The following TEX14 variants were observed in gnomAD, a reference collection of about 807,000 sequenced individuals.
The protein encoded by TEX14 is inactive serine/threonine-protein kinase TEX14.
Under a neutral mutation model 178.6 loss-of-function variants are expected in TEX14, and 168 were observed. The ratio of observed to expected loss-of-function variants is 0.94; its 90% CI spans 0.83 to 1.07. The LOEUF (loss-of-function observed/expected upper bound fraction) is 1.07. Among genes scored for constraint, TEX14 ranks in the 50% least tolerant of loss-of-function variants. The pLI, the probability that TEX14 is intolerant of heterozygous loss-of-function variation, is 0.00. For synonymous variants in TEX14, 626 were observed against 634.1 expected, an observed-to-expected ratio of 0.99 and a Z score of 0.19; for missense variants, 1,730 against 1,753.6, an observed-to-expected ratio of 0.99 and a Z score of 0.24.
At chr17:58,623,967 T>C (rs571061101) in intron 3 of TEX14, among the ~76,000 whole-genome samples, 66 of 152,314 alleles carry the variant, frequency 4.3e-4, no homozygotes, top group East Asian at 3.3e-3. Flanking sequence ...AAATGTTCTA[T>C]GTATATACAA....
chr17:58,604,805 C>A (rs1473225776), intron 11 of TEX14, among the ~76,000 whole-genome samples, 173 bp downstream of exon 11: 1 of 152,160 alleles, frequency 6.6e-6, no homozygotes, highest in African/African-American at 2.4e-5. Flanking sequence ...AGGTGATCCA[C>A]CCGCCTCAGC....
rs924835436 is a variant in TEX14 at position 58,565,888 on chromosome 17, A to C, written c.3887-64T>G. 7 of 1,320,592 alleles carry C rather than the reference A, an allele frequency of 5.3e-6. No homozygotes were observed. In the African/African-American group the frequency reaches 1.0e-4, roughly 19 times the overall value. The allele number at this position is 1,320,592 out of a possible 1,614,324, so 81.8% of individuals were successfully genotyped here. A position where few individuals can be genotyped will look rare whatever the true frequency, so the allele number is the denominator to read the frequency against. ...CCTTGCGTGTCCTGCCGTTCTCTAG[A>C]GCAGTGGTTCTCCAAGGGTGATCCT... On this transcript the variant is annotated intron_variant, in intron 26 of 31. Transcript: ENST00000349033.
Position 58,574,167 on chromosome 17 carries a change from A to T in TEX14, c.3383+20T>A. 6.3e-7 allele frequency: 1 copy of T among 1,599,662 alleles called. No individual in the cohort carries two copies. Among genetic ancestry groups the T allele is most frequent in the South Asian group, 1.1e-5 (1 of 90,766 alleles). On this transcript the variant is annotated intron_variant, in intron 22 of 31. Transcript: ENST00000349033. ...AGACTTTACACAAGCATCCCTAGGC[A>T]TTCTCTTTGGTGATCATACATGTCT...
At chr17:58,683,739 G>A (rs2143576090) in intron 1 of TEX14, among the ~76,000 whole-genome samples, 1 of 148,742 alleles carries the variant, frequency 6.7e-6, no homozygotes, top group South Asian at 2.1e-4. Flanking sequence ...CTCCAGCCTG[G>A]GCGACAGAGC....
intron 29 of TEX14, among the ~76,000 whole-genome samples, 169 bp from the exon 30 acceptor site, chr17:58,559,731 A>G (rs1191732480): frequency 6.6e-6 from 1 of 152,204 alleles, no homozygotes; most frequent in Non-Finnish European, 1.5e-5. Flanking sequence ...AAGTGCTATA[A>G]TTTAACTCAT....
In TEX14 at chr17:58,557,030, T is replaced by G. The variant is rs1451075726; in HGVS notation, c.4337A>C (p.Gln1446Pro). 6.2e-7 allele frequency: 1 copy of G among 1,614,050 alleles called. No homozygotes were observed. Among genetic ancestry groups the G allele is most frequent in the South Asian group, 1.1e-5 (1 of 91,088 alleles). Residue 1446 changes from glutamine to proline, a missense_variant, in exon 32 of 32, where the codon CAG becomes CCG. By Grantham distance (76) the Gln-to-Pro change is moderately conservative. This residue lies in a region of TEX14 where 941 missense variants were observed against 1,072.4 expected (regional missense o/e 0.88). Transcript: ENST00000349033. ...TTCCAATCAGTCTGACAAGTCACTCTGATCCAGCACGATTATCCTATGCAC... is the reference window on the plus strand; with the variant it reads ...TTCCAATCAGTCTGACAAGTCACTCGGATCCAGCACGATTATCCTATGCAC... ...SESSRIIVLDQSDLSD is the reference protein window; with the variant it reads ...SESSRIIVLDPSDLSD
At chr17:58,659,235 T>TCCCAAACATAA (rs57065505) in intron 1 of TEX14, 47 of 493,428 alleles carry the variant, frequency 9.5e-5, no homozygotes, top group Non-Finnish European at 1.2e-4. Flanking sequence ...AGCAAACACA[T>TCCCAAACATAA]AGTAAAAACC....
intron 1 of TEX14, among the ~76,000 whole-genome samples, chr17:58,654,009 T>C (rs2046895646): frequency 6.6e-6 from 1 of 151,930 alleles, no homozygotes; most frequent in Admixed American, 6.6e-5. Flanking sequence ...AAACCCCATC[T>C]TTACTAAAAA....
chr17:58,577,905 C>T (rs2044718696), intron 20 of TEX14, among the ~76,000 whole-genome samples: 1 of 152,166 alleles, frequency 6.6e-6, no homozygotes, highest in African/African-American at 2.4e-5. Flanking sequence ...TGGGCGTGGG[C>T]GTGGGGTCTT....
At chr17:58,571,881 C>A in intron 24 of TEX14, 40 bp downstream of exon 24, 1 of 1,583,732 alleles carries the variant, frequency 6.3e-7, no homozygotes, top group African/African-American at 1.3e-5. Context: ...GCCCTTTGGG[C>A]TGACTCCATG....
At position 58,579,030 on chromosome 17, in the gene TEX14, C is replaced by A. The variant is rs574359116; in HGVS notation, c.3238+635G>T. On this transcript the variant is annotated intron_variant, in intron 20 of 31. Coordinates refer to ENST00000349033, the MANE Select transcript of TEX14 (RefSeq NM_031272.5). ...AGAGTACACAATTTTAAAAATGTAA[C>A]AAAGCCAACAGTTAACTTATATCTG... Among the ~76,000 whole-genome samples the A allele has an allele frequency of 9.8e-4, 149 of 152,322 alleles. 1 individual carries two copies. The highest frequency in any genetic ancestry group is 3.5e-3 in the African/African-American group (144 of 41,582).
Position 58,559,641 on chromosome 17 carries a change from A to AAACAAC in TEX14, c.4158-85_4158-80dup, listed in dbSNP as rs10699411. The AAACAAC allele has an allele frequency of 1.5e-3, 1,032 of 698,102 alleles. 7 individuals are homozygous for AAACAAC. Among genetic ancestry groups the AAACAAC allele is most frequent in the Admixed American group, 0.011 (502 of 44,294 alleles). 43.2% of individuals were successfully genotyped at this position (698,102 alleles called of 1,614,324 possible). A position where few individuals can be genotyped will look rare whatever the true frequency, so the allele number is the denominator to read the frequency against. ...CAGGACTGTACTCAAAACAAAAAAC[A>AAACAAC]AACAACAACAACAACAACAACAAAA... On this transcript the variant is annotated intron_variant, in intron 29 of 31. Transcript: ENST00000349033.
chr17:58,631,245 T>C (rs544210329), intron 2 of TEX14: 1 of 509,456 alleles, frequency 2.0e-6, no homozygotes, highest in South Asian at 8.6e-5. Context: ...GTAGATCACT[T>C]GAGGCCAAGA....
Position 58,577,421 on chromosome 17 carries a change from T to C in TEX14, c.3274A>G (p.Lys1092Glu). The C allele has an allele frequency of 6.6e-7, 1 of 1,511,458 alleles. No individual in the cohort carries two copies. The highest frequency in any genetic ancestry group is 8.9e-7 in the Non-Finnish European group (1 of 1,124,158). The allele number at this position is 1,511,458 out of a possible 1,614,324, so 93.6% of individuals were successfully genotyped here. A position where few individuals can be genotyped will look rare whatever the true frequency, so the allele number is the denominator to read the frequency against. Residue 1092 changes from lysine to glutamate, a missense_variant, in exon 21 of 32, where the codon AAG (lysine) becomes GAG (glutamate). Lys to Glu is a moderately conservative substitution (Grantham distance 56). Around this residue, in one of 2 missense-constraint regions of TEX14, gnomAD observed 941 missense variants for 1,072.4 expected, o/e 0.88. Transcript: ENST00000349033. ...GACCTGGGCAAAATCTCAGCATTCT[T>C]TCCAAGAATTTTTCTCATTTGGAAC... Reference protein sequence around the residue: ...EKFQMRKILGKNAEILPRSQF... With the variant: ...EKFQMRKILGENAEILPRSQF...
intron 12 of TEX14, 141 bp downstream of exon 12, chr17:58,602,259 T>A: frequency 1.2e-6 from 1 of 835,726 alleles, no homozygotes; most frequent in East Asian, 2.6e-5. Flanking sequence ...TAGGCTATTA[T>A]CAAGAACACA....
chr17:58,681,014 G>GCTCA (rs1344828386), intron 1 of TEX14, among the ~76,000 whole-genome samples: 1 of 152,072 alleles, frequency 6.6e-6, no homozygotes, highest in Non-Finnish European at 1.5e-5. Context: ...AGGTGCAGTG[G>GCTCA]CTCACACCTG....
intron 1 of TEX14, chr17:58,661,830 C>T: frequency 2.1e-6 from 1 of 467,694 alleles, no homozygotes; most frequent in South Asian, 4.1e-5. Flanking sequence ...TTTCCGTTTC[C>T]TAAAATTGTA....
rs768686646 is a variant in TEX14 at position 58,570,378 on chromosome 17, A to G, written c.3817+7T>C. On this transcript the variant is annotated splice_region_variant and intron_variant, in intron 25 of 31. Transcript: ENST00000349033. The stretch of plus-strand genomic sequence containing the variant: ...AAACTTCTATTTTGATATTAAACAC[A>G]GGGTACCTTTAGGCAGGCTCCTTCT... 1 of 1,496,462 alleles carries G rather than the reference A, an allele frequency of 6.7e-7. No homozygotes were observed. The highest frequency in any genetic ancestry group is 8.8e-7 in the Non-Finnish European group (1 of 1,132,740). 92.7% of individuals were successfully genotyped at this position (1,496,462 alleles called of 1,614,324 possible).
At chr17:58,687,577 C>T (rs892755679) in intron 1 of TEX14, among the ~76,000 whole-genome samples, 5 of 152,120 alleles carry the variant, frequency 3.3e-5, no homozygotes, top group African/African-American at 9.6e-5. Flanking sequence ...AAGTGATCCA[C>T]CCACCTAAGC....
Sources: allele counts gnomAD v4.1 joint callset (sites outside exome capture counted in the v4.1 genomes callset), GRCh38; gene constraint gnomAD v4.1.1; regional missense constraint gnomAD v4.1.1; transcripts MANE v1.5; gene names NCBI Gene and HGNC (gene_info 2026-07-23, HGNC 2026-07-21).